LTN1: variants seen among roughly 807,000 people sequenced by gnomAD.
LTN1 encodes E3 ubiquitin-protein ligase listerin.
A neutral mutation model predicts 201.2 loss-of-function variants in LTN1; 88 were observed. The observed-to-expected ratio is 0.44, with a 90% CI of 0.37 to 0.52. LTN1 has a LOEUF of 0.52. LTN1 is among the 20% of genes least tolerant of loss of function. LTN1 has a pLI of 0.00. For missense variants in LTN1, 1,752 were observed against 2,038.7 expected (o/e 0.86, Z 2.71); for synonymous variants, 645 against 713.5 (o/e 0.90, Z 1.53).
intron 22 of LTN1, 75 bp from the exon 23 acceptor site, chr21:28,943,979 A>T: frequency 1.1e-6 from 1 of 883,200 alleles, no homozygotes; most frequent in Non-Finnish European, 1.8e-6. Context: ...ACAAACAATC[A>T]AATGTCATTT....
At position 28,966,570 on chromosome 21, in the gene LTN1, T is replaced by C; in HGVS notation, c.1921A>G (p.Ile641Val). The change falls in exon 10 of 30, where the codon ATT becomes GTT. Residue 641 changes from isoleucine (I) to valine (V), a missense_variant. Ile to Val is a conservative substitution (Grantham distance 29). Coordinates refer to ENST00000361371, the MANE Select transcript of LTN1 (RefSeq NM_015565.3). ...ATTTCAAGAGGTTTGGCTTGGACAA[T>C]ACTCTGTTTTTCATCACCAAGTAGC... ...KMLLGDEKQS[I>V]VQAKPLEIAK... 6.2e-7 allele frequency: 1 copy of C among 1,614,168 alleles called. No homozygotes were observed. The highest frequency in any genetic ancestry group is 8.5e-7 in the Non-Finnish European group (1 of 1,180,022).
chr21:28,948,991 T>G (rs1601175882), intron 18 of LTN1, among the ~76,000 whole-genome samples: 1 of 152,352 alleles, frequency 6.6e-6, no homozygotes, highest in East Asian at 1.9e-4. Context: ...AACTTATACT[T>G]TCACCAAATA....
At chr21:28,985,994 A>G (rs2084695582) in intron 3 of LTN1, 145 bp downstream of exon 3, 7 of 588,326 alleles carry the variant, frequency 1.2e-5, no homozygotes, top group Non-Finnish European at 2.1e-5. Context: ...GCTCTTCTCA[A>G]GTGTTAACAA....
chr21:28,934,526 T>G (rs1448478404), intron 27 of LTN1, among the ~76,000 whole-genome samples: 1 of 152,182 alleles, frequency 6.6e-6, no homozygotes, highest in African/African-American at 2.4e-5. Context: ...CCTCCTGCTC[T>G]GGCCATGTGA....
intron 24 of LTN1, 95 bp from the exon 25 acceptor site, chr21:28,941,501 TTC>T (rs950810668): frequency 1.3e-4 from 132 of 1,020,926 alleles, no homozygotes; most frequent in Non-Finnish European, 1.7e-4. Flanking sequence ...TTAGAAAAAT[TTC>T]TCTGTTTTCC....
In LTN1 at chr21:28,943,709, C is replaced by A; in HGVS notation, c.4178G>T (p.Arg1393Ile). 6.2e-7 allele frequency: 1 copy of A among 1,613,784 alleles called. No homozygotes were observed. Among genetic ancestry groups the A allele is most frequent in the Non-Finnish European group, 8.5e-7 (1 of 1,179,800 alleles). Reference sequence around the variant, plus strand: ...AACAGCAATTTGCACAGGCCTAGCTCTGAAGAGGAGTAATGGGGCCAATGT... The same window carrying A: ...AACAGCAATTTGCACAGGCCTAGCTATGAAGAGGAGTAATGGGGCCAATGT... ...LNTLAPLLLFRARPVQIAVYH... is the reference protein window; with the variant it reads ...LNTLAPLLLFIARPVQIAVYH... The change falls in exon 23 of 30, where the codon AGA (arginine) becomes ATA (isoleucine). Residue 1393 changes from arginine to isoleucine, a missense_variant. Physicochemically the swap from Arg to Ile is moderately conservative, Grantham distance 97. Around this residue, in one of 3 missense-constraint regions of LTN1, gnomAD observed 1,211 missense variants for 1,312.8 expected, o/e 0.92. Transcript: ENST00000361371.
chr21:28,960,867 G>A (rs2084472261), intron 11 of LTN1, 161 bp from the exon 12 acceptor site: 44 of 563,152 alleles, frequency 7.8e-5, no homozygotes, highest in South Asian at 6.6e-4. Context: ...TATCCTCCCT[G>A]TTCCCCATTA....
intron 11 of LTN1, among the ~76,000 whole-genome samples, chr21:28,964,018 CA>C (rs1840760559): frequency 1.3e-5 from 2 of 152,264 alleles, no homozygotes; most frequent in African/African-American, 2.4e-5. Flanking sequence ...TTCCTTCTTA[CA>C]GATAAGAAAG....
In LTN1 at chr21:28,966,839, T is replaced by C. The variant is rs1288888816; in HGVS notation, c.1652A>G (p.Glu551Gly). 1.2e-6 allele frequency: 2 copies of C among 1,611,140 alleles called. No individual in the cohort carries two copies. The highest frequency in any genetic ancestry group is 2.2e-5 in the South Asian group (2 of 90,156). Residue 551 changes from glutamate to glycine, a missense_variant, in exon 10 of 30, where the codon GAG (glutamate) becomes GGG (glycine). By Grantham distance (98) the Glu-to-Gly change is moderately conservative (BLOSUM62 -2). Transcript: ENST00000361371. Reference protein sequence around the residue: ...FADEILESNKENEKCVSSEGE... With the variant: ...FADEILESNKGNEKCVSSEGE... Reference sequence around the variant, plus strand: ...TTCTGAAGATACACATTTTTCATTCTCTTTATTGCTTTCAAGTATCTCATC... The same window carrying C: ...TTCTGAAGATACACATTTTTCATTCCCTTTATTGCTTTCAAGTATCTCATC...
At chr21:28,965,118 T>A (rs866643013) in intron 11 of LTN1, among the ~76,000 whole-genome samples, 24 of 152,194 alleles carry the variant, frequency 1.6e-4, no homozygotes, top group African/African-American at 4.8e-4. Flanking sequence ...TTAGAAATGG[T>A]TAAGATGGTA....
rs2084525840 is a variant in LTN1, at chr21:28,966,627, C to T, written c.1864G>A (p.Asp622Asn). 6.2e-7 allele frequency: 1 copy of T among 1,613,924 alleles called. No homozygotes were observed. The highest frequency in any genetic ancestry group is 1.3e-5 in the African/African-American group (1 of 74,926). ...AATACTCGGCTTGAAGAAAAGGAGT[C>T]AAGCAGAGTAGAAAGAAACCTTAGA... Reference protein sequence around the residue: ...QHLRFLSTLLDSFSSSRVFKM... With the variant: ...QHLRFLSTLLNSFSSSRVFKM... Residue 622 changes from aspartate (D) to asparagine (N), a missense_variant, in exon 10 of 30, where the codon GAC (aspartate) becomes AAC (asparagine). Physicochemically the swap from Asp to Asn is conservative, Grantham distance 23. Transcript: ENST00000361371.
At position 28,953,363 on chromosome 21, in the gene LTN1, A is replaced by G; in HGVS notation, c.3093T>C (p.Leu1031=). 6.3e-7 allele frequency: 1 copy of G among 1,579,190 alleles called. No individual in the cohort carries two copies. The highest frequency in any genetic ancestry group is 8.5e-7 in the Non-Finnish European group (1 of 1,170,838). Residue 1031 remains leucine (L), a synonymous_variant, in exon 17 of 30, where the codon CTT becomes CTC. Coordinates refer to ENST00000361371, the MANE Select transcript of LTN1 (RefSeq NM_015565.3). ...NELEKIIAEL[L]YSLQWCEELD... ...ATTCTTCACACCACTGCAGTGAATA[A>G]AGCAGTTCTGCAACTAAAAGAAGAG... is the stretch of plus-strand genomic sequence containing the variant.
intron 18 of LTN1, among the ~76,000 whole-genome samples, chr21:28,950,936 G>T (rs565644045): frequency 6.6e-6 from 1 of 152,194 alleles, no homozygotes; most frequent in Non-Finnish European, 1.5e-5. Flanking sequence ...TATGGATAAC[G>T]CAAGGGATCC....
chr21:28,983,872 A>C (rs2146316347), intron 4 of LTN1, among the ~76,000 whole-genome samples: 1 of 152,310 alleles, frequency 6.6e-6, no homozygotes, highest in Middle Eastern at 3.4e-3. Flanking sequence ...AATTCTAACA[A>C]CTTTGTTGTC....
In LTN1 at chr21:28,929,334, A is replaced by G. The variant is rs1192075951; in HGVS notation, c.*1114T>C. On this transcript the variant is annotated 3_prime_UTR_variant, in exon 30 of 30. Coordinates refer to ENST00000361371, the MANE Select transcript of LTN1 (RefSeq NM_015565.3). ...GGAAGACTGCAATAAAATTATTCCA[A>G]GTTCTAAAGTTCCACACTTTTATAT... The G allele has an allele frequency of 6.6e-6, 1 of 152,604 alleles. No homozygotes were observed. The highest frequency in any genetic ancestry group is 1.5e-5 in the Non-Finnish European group (1 of 68,002). The allele number at this position is 152,604 out of a possible 1,614,324, so 9.5% of individuals were successfully genotyped here.
intron 20 of LTN1, 41 bp from the exon 21 acceptor site, chr21:28,945,992 T>C (rs773654508): frequency 3.9e-6 from 6 of 1,547,808 alleles, no homozygotes; most frequent in African/African-American, 2.8e-5. Context: ...AAAGATTATA[T>C]TGACATTCAA....
Position 28,952,280 on chromosome 21 carries a change from A to G in LTN1, c.3240-16T>C, listed in dbSNP as rs2084389083. On this transcript the variant is annotated splice_polypyrimidine_tract_variant and intron_variant, in intron 17 of 29. Transcript: ENST00000361371. The stretch of plus-strand genomic sequence containing the variant: ...TTCTCTGGACCTGAAAAAGGAAAGA[A>G]AAAAATTATATTCCGTTTTGAAAGC... The G allele has an allele frequency of 7.0e-7, 1 of 1,421,718 alleles. No homozygotes were observed. The highest frequency in any genetic ancestry group is 9.8e-7 in the Non-Finnish European group (1 of 1,024,574). The allele number at this position is 1,421,718 out of a possible 1,614,324, so 88.1% of individuals were successfully genotyped here.
intron 21 of LTN1, among the ~76,000 whole-genome samples, chr21:28,945,532 A>C (rs1362524432): frequency 6.6e-6 from 1 of 152,214 alleles, no homozygotes; most frequent in Non-Finnish European, 1.5e-5. Flanking sequence ...ATAAAACCTG[A>C]AAGGGCTGTG....
In LTN1 at chr21:28,941,410, A is replaced by G; in HGVS notation, c.4296-4T>C. On this transcript the variant is annotated splice_polypyrimidine_tract_variant and splice_region_variant and intron_variant, in intron 24 of 29. Coordinates refer to ENST00000361371, the MANE Select transcript of LTN1 (RefSeq NM_015565.3). ...CATCAGTGCTGCTGGTGGTGACCTA[A>G]GAATCAATGATTAAACACCACAAGT... is the stretch of plus-strand genomic sequence containing the variant. 6.3e-7 allele frequency: 1 copy of G among 1,595,598 alleles called. No individual in the cohort carries two copies. The highest frequency in any genetic ancestry group is 8.5e-7 in the Non-Finnish European group (1 of 1,172,784).
Sources: gnomAD v4.1 joint callset for allele counts (sites outside exome capture counted in the v4.1 genomes callset) on GRCh38, gnomAD v4.1.1 for gene constraint, gnomAD v4.1.1 regional missense constraint, MANE v1.5 for transcripts, NCBI Gene and HGNC (gene_info 2026-07-23, HGNC 2026-07-21) for gene names.